ANO3: variants seen among roughly 807,000 people sequenced by gnomAD.
ANO3 encodes the protein anoctamin-3.
Under a neutral mutation model 144.8 loss-of-function variants are expected in ANO3, and 99 were observed. The ratio of observed to expected loss-of-function variants is 0.68; its 90% CI spans 0.58 to 0.81. The LOEUF is 0.81. ANO3 is among the 30% of genes least tolerant of loss of function. ANO3 has a pLI of 0.00. For missense variants in ANO3, 905 were observed against 1,202.2 expected, an observed-to-expected ratio of 0.75 and a Z score of 3.66; for synonymous variants, 414 against 392.6, an observed-to-expected ratio of 1.05 and a Z score of -0.64.
rs1265259977 is a variant in ANO3 at position 26,381,141 on chromosome 11, T to C, written c.46+48820T>C. Among the ~76,000 whole-genome samples the C allele has an allele frequency of 5.3e-5, 8 of 152,250 alleles. No homozygotes were observed. In the East Asian group the frequency reaches 1.5e-3, roughly 29 times the overall value. ...TTATTGTGAAAACCAAAGCCTAATA[T>C]GTTACAGATCAGAATGTAATAGACT... On this transcript the variant is annotated intron_variant, in intron 1 of 26. Transcript: ENST00000256737.
intron 1 of ANO3, among the ~76,000 whole-genome samples, chr11:26,358,684 C>T (rs932146278): frequency 3.9e-5 from 6 of 152,108 alleles, no homozygotes. Context: ...CTTTCGGCCA[C>T]TAGTTTTTTA....
At chr11:26,324,529 T>A (rs1262783634) in intron 1 of ANO3, among the ~76,000 whole-genome samples, 1 of 152,214 alleles carries the variant, frequency 6.6e-6, no homozygotes, top group African/African-American at 2.4e-5. Flanking sequence ...TATACACTTT[T>A]AAAAATGAGC....
rs369861611 is a variant in ANO3 at position 26,639,124 on chromosome 11, G to T, written c.2044-20G>T. On this transcript the variant is annotated intron_variant, in intron 20 of 26. Transcript: ENST00000256737. The stretch of plus-strand genomic sequence containing the variant: ...TGGGAAGAAGACCAATATCATTATT[G>T]CTCTTATGTTCTATTTCAGTGTCAT... The T allele has an allele frequency of 6.6e-7, 1 of 1,524,618 alleles. No individual in the cohort carries two copies. 94.4% of individuals were successfully genotyped at this position (1,524,618 alleles called of 1,614,324 possible). A position where few individuals can be genotyped will look rare whatever the true frequency, so the allele number is the denominator to read the frequency against.
intron 1 of ANO3, among the ~76,000 whole-genome samples, chr11:26,349,709 C>T (rs903830370): frequency 6.6e-6 from 1 of 152,004 alleles, no homozygotes; most frequent in African/African-American, 2.4e-5. Context: ...CCACCGAGCC[C>T]GGCTAATTTT....
In ANO3 at chr11:26,624,507, AT is replaced by A; in HGVS notation, c.1873+14del. On this transcript the variant is annotated intron_variant, in intron 18 of 26. Transcript: ENST00000256737. ...CCTCCTCACCAATTTAGGTAAGTCC[AT>A]TTTTCTTACTTCACTCCTTAGTCAG... 1.3e-6 allele frequency: 2 copies of A among 1,599,210 alleles called. No homozygotes were observed. The highest frequency in any genetic ancestry group is 1.7e-5 in the Admixed American group (1 of 59,650).
intron 1 of ANO3, among the ~76,000 whole-genome samples, chr11:26,192,910 T>A (rs1048675933): frequency 6.6e-6 from 1 of 152,100 alleles, no homozygotes; most frequent in East Asian, 1.9e-4. Context: ...AACTAAAGTA[T>A]AAATGTCTTT....
At chr11:26,206,284 C>G (rs1851793763) in intron 1 of ANO3, among the ~76,000 whole-genome samples, 1 of 152,118 alleles carries the variant, frequency 6.6e-6, no homozygotes, top group South Asian at 2.1e-4. Context: ...GTTAATCCAA[C>G]CATCTTCAAA....
intron 11 of ANO3, 72 bp from the exon 12 acceptor site, chr11:26,547,344 G>A: frequency 6.7e-7 from 1 of 1,482,696 alleles, no homozygotes; most frequent in South Asian, 1.2e-5. Context: ...ATTCTGACTA[G>A]GTGTGGCATC....
chr11:26,257,805 AAAGAAT>A (rs1456459619), intron 1 of ANO3, among the ~76,000 whole-genome samples: 2 of 152,092 alleles, frequency 1.3e-5, no homozygotes, highest in East Asian at 1.9e-4. Context: ...GACAAATCAT[AAAGAAT>A]AAGGAGAGAA....
chr11:26,564,618 A>G (rs1850443893), intron 14 of ANO3, among the ~76,000 whole-genome samples: 1 of 146,434 alleles, frequency 6.8e-6, no homozygotes, highest in Non-Finnish European at 1.5e-5. Flanking sequence ...ATTGTTTGTG[A>G]TTGTGACAGA....
At position 26,661,776 on chromosome 11, in the gene ANO3, A is replaced by C. The variant is rs1853884665; in HGVS notation, c.*1332A>C. 6.6e-6 allele frequency: 1 copy of C among 152,144 alleles called. No homozygotes were observed. Among genetic ancestry groups the C allele is most frequent in the South Asian group, 2.1e-4 (1 of 4,828 alleles). 9.4% of individuals were successfully genotyped at this position (152,144 alleles called of 1,614,324 possible). A position where few individuals can be genotyped will look rare whatever the true frequency, so the allele number is the denominator to read the frequency against. On this transcript the variant is annotated 3_prime_UTR_variant, in exon 27 of 27. Coordinates refer to ENST00000256737, the MANE Select transcript of ANO3 (RefSeq NM_031418.4). ...CTATGAGTATGTCTGTTCCACAGAC[A>C]GATGAGGCAGGAGTGATGGGGCACT... is the stretch of plus-strand genomic sequence containing the variant.
chr11:26,432,851 T>C (rs1169951899), intron 1 of ANO3, among the ~76,000 whole-genome samples: 1 of 152,202 alleles, frequency 6.6e-6, no homozygotes, highest in East Asian at 1.9e-4. Context: ...TCGAGGTTTA[T>C]TCTTTTTGCT....
intron 4 of ANO3, among the ~76,000 whole-genome samples, chr11:26,477,746 T>C (rs1487328032): frequency 1.3e-5 from 2 of 152,152 alleles, no homozygotes; most frequent in Non-Finnish European, 2.9e-5. Context: ...TTGGAATATG[T>C]AGAATAGAGT....
chr11:26,544,300 ATG>A (rs1205983736), intron 11 of ANO3, among the ~76,000 whole-genome samples: 26 of 137,110 alleles, frequency 1.9e-4, no homozygotes, highest in Admixed American at 3.7e-4. Context: ...ACACACACAT[ATG>A]TATATAAACC....
intron 26 of ANO3, among the ~76,000 whole-genome samples, chr11:26,657,857 A>G (rs1023681080): frequency 3.3e-5 from 5 of 152,160 alleles, no homozygotes; most frequent in Admixed American, 3.3e-4. Context: ...TATTTCATCA[A>G]ATGTATTAAT....
At chr11:26,287,175 C>T (rs1311438012) in intron 1 of ANO3, among the ~76,000 whole-genome samples, 2 of 152,180 alleles carry the variant, frequency 1.3e-5, no homozygotes, top group Non-Finnish European at 2.9e-5. Flanking sequence ...AGACTATCTG[C>T]ACCACCAGAG....
At chr11:26,566,734 G>A (rs1435536868) in intron 14 of ANO3, among the ~76,000 whole-genome samples, 1 of 151,890 alleles carries the variant, frequency 6.6e-6, no homozygotes, top group African/African-American at 2.4e-5. Context: ...AAGTGTGGAA[G>A]TGCCACAATT....
intron 1 of ANO3, among the ~76,000 whole-genome samples, chr11:26,231,168 C>T (rs888633816): frequency 1.2e-4 from 18 of 152,106 alleles, no homozygotes; most frequent in East Asian, 3.9e-4. Flanking sequence ...TGAGCCACCA[C>T]GCTCCACCTG....
chr11:26,257,045 T>C (rs11029438), intron 1 of ANO3, among the ~76,000 whole-genome samples: 2,784 of 152,182 alleles, frequency 0.018, 64 homozygotes, highest in East Asian at 0.12. Context: ...CTGATGATTA[T>C]TGATTAGATG....
Sources: allele counts gnomAD v4.1 joint callset (sites outside exome capture counted in the v4.1 genomes callset), GRCh38; gene constraint gnomAD v4.1.1; transcripts MANE v1.5; gene names NCBI Gene and HGNC (gene_info 2026-07-23, HGNC 2026-07-21).